STARD13: variants seen among roughly 807,000 people sequenced by gnomAD.
STARD13 encodes the protein StAR related lipid transfer domain containing 13.
Under a neutral mutation model 106.4 loss-of-function variants are expected in STARD13, and 62 were observed. The ratio of observed to expected loss-of-function variants is 0.58; its 90% CI spans 0.48 to 0.72. The LOEUF is 0.72. Ranked by LOEUF, STARD13 falls within the 30% of genes least tolerant of loss-of-function variation. The pLI, the probability that STARD13 is intolerant of heterozygous loss-of-function variation, is 0.00. For synonymous variants in STARD13, 565 were observed against 553.0 expected (o/e 1.02, Z -0.31); for missense variants, 1,387 against 1,424.0 (o/e 0.97, Z 0.42).
the STARD13 span, among the ~76,000 whole-genome samples, chr13:33,531,513 CTGTT>C: frequency 6.6e-6 from 1 of 152,170 alleles, no homozygotes; most frequent in African/African-American, 2.4e-5. Context: ...GTATGTCAAG[CTGTT>C]TGTCTTGTAC....
chr13:33,665,039 G>A, the STARD13 span, among the ~76,000 whole-genome samples: 2 of 152,256 alleles, frequency 1.3e-5, no homozygotes, highest in Non-Finnish European at 2.9e-5. Context: ...TGACGAGAAC[G>A]AAGGAGGGAC....
At chr13:33,514,854 C>T in the STARD13 span, among the ~76,000 whole-genome samples, 1 of 152,024 alleles carries the variant, frequency 6.6e-6, no homozygotes, top group Non-Finnish European at 1.5e-5. Flanking sequence ...ACCTCTCCCC[C>T]GGCACCCCAC....
chr13:33,345,253 A>T (rs2078005609), downstream of STARD13, among the ~76,000 whole-genome samples: 1 of 152,200 alleles, frequency 6.6e-6, no homozygotes, highest in Admixed American at 6.5e-5. Flanking sequence ...AAAGAGTGCA[A>T]TGGGATGATT....
chr13:33,500,977 CAGT>C, the STARD13 span, among the ~76,000 whole-genome samples: 1 of 145,828 alleles, frequency 6.9e-6, no homozygotes, highest in Non-Finnish European at 1.5e-5. Context: ...TAAGGAAAAA[CAGT>C]ATAACTATCG....
the STARD13 span, among the ~76,000 whole-genome samples, chr13:33,385,870 A>C: frequency 1.8e-4 from 27 of 151,446 alleles, no homozygotes; most frequent in Admixed American, 5.9e-4. Context: ...AAAACAAAAA[A>C]AAAAAAATTA....
intron 1 of STARD13, among the ~76,000 whole-genome samples, chr13:33,180,712 G>GGTGAC (rs1260749653): frequency 3.3e-5 from 5 of 152,128 alleles, no homozygotes; most frequent in Non-Finnish European, 5.9e-5. Context: ...TTTGTGAGGA[G>GGTGAC]GTGACGGGGA....
intron 1 of STARD13, among the ~76,000 whole-genome samples, chr13:33,251,940 T>C (rs1890113830): frequency 6.6e-6 from 1 of 152,188 alleles, no homozygotes; most frequent in Non-Finnish European, 1.5e-5. Flanking sequence ...AGCAAAACCT[T>C]ACTTCTTCAG....
chr13:33,407,296 T>C, the STARD13 span, among the ~76,000 whole-genome samples: 4 of 152,192 alleles, frequency 2.6e-5, no homozygotes, highest in Non-Finnish European at 5.9e-5. Flanking sequence ...GCCCTGGCCA[T>C]GTTCACAGTC....
At chr13:33,669,899 CT>C in the STARD13 span, among the ~76,000 whole-genome samples, 2 of 152,288 alleles carry the variant, frequency 1.3e-5, no homozygotes, top group African/African-American at 4.8e-5. Context: ...TCCAAATGTA[CT>C]TTGTTACAAA....
chr13:33,138,993 A>G (rs1170960418), intron 4 of STARD13: 1 of 345,422 alleles, frequency 2.9e-6, no homozygotes, highest in African/African-American at 2.2e-5. Context: ...CTTCATCACC[A>G]TCATCACCTA....
At chr13:33,321,830 C>T (rs1349690453) in intron 1 of STARD13, among the ~76,000 whole-genome samples, 1 of 152,204 alleles carries the variant, frequency 6.6e-6, no homozygotes, top group Non-Finnish European at 1.5e-5. Context: ...GATCCTTGCT[C>T]ATAGGAGTTT....
chr13:33,545,420 T>C, the STARD13 span, among the ~76,000 whole-genome samples: 1 of 152,226 alleles, frequency 6.6e-6, no homozygotes, highest in South Asian at 2.1e-4. Flanking sequence ...CTTTGCCTTA[T>C]TTTAAACTTT....
chr13:33,550,478 GTGA>G, the STARD13 span, among the ~76,000 whole-genome samples: 1 of 152,188 alleles, frequency 6.6e-6, no homozygotes, highest in African/African-American at 2.4e-5. Context: ...TGCCGAAACA[GTGA>G]TGTTTCATCA....
chr13:33,623,427 G>GA, the STARD13 span, among the ~76,000 whole-genome samples: 2 of 49,296 alleles, frequency 4.1e-5, no homozygotes, highest in Non-Finnish European at 1.4e-4. Flanking sequence ...CCTCAATAAA[G>GA]TAAAAAAAAA....
chr13:33,325,078 A>G (rs2077758489), intron 1 of STARD13, among the ~76,000 whole-genome samples: 1 of 152,192 alleles, frequency 6.6e-6, no homozygotes, highest in Admixed American at 6.5e-5. Context: ...TCTTTTGAGG[A>G]CGTAAACTGA....
At chr13:33,385,864 CAAA>C in the STARD13 span, among the ~76,000 whole-genome samples, 3 of 124,020 alleles carry the variant, frequency 2.4e-5, no homozygotes, top group Non-Finnish European at 3.5e-5. Context: ...AAAAAAAAAA[CAAA>C]AAAAAAAAAA....
At chr13:33,173,383 T>C (rs1269395593) in intron 1 of STARD13, among the ~76,000 whole-genome samples, 1 of 152,208 alleles carries the variant, frequency 6.6e-6, no homozygotes, top group African/African-American at 2.4e-5. Context: ...TATATATGGA[T>C]ACCAATGATG....
At chr13:33,135,177 T>C (rs1217051451) in intron 4 of STARD13, among the ~76,000 whole-genome samples, 1 of 152,192 alleles carries the variant, frequency 6.6e-6, no homozygotes, top group Admixed American at 6.5e-5. Flanking sequence ...AATAGCTTGA[T>C]TTAGAAATGA....
chr13:33,400,025 C>A, the STARD13 span, among the ~76,000 whole-genome samples: 2 of 152,034 alleles, frequency 1.3e-5, no homozygotes, highest in Admixed American at 6.6e-5. Flanking sequence ...TTATCTCAAT[C>A]AAATTAGTTT....
Sources: allele counts gnomAD v4.1 joint callset (sites outside exome capture counted in the v4.1 genomes callset), GRCh38; gene constraint gnomAD v4.1.1; transcripts MANE v1.5; gene names NCBI Gene and HGNC (gene_info 2026-07-23, HGNC 2026-07-21).